Variants in PGCKA1 observed in about 807,000 individuals in gnomAD.
PGCKA1 encodes the protein PDCD10 and GCKIII kinases associated 1.
the PGCKA1 span, among the ~76,000 whole-genome samples, chr4:37,528,544 C>T: frequency 6.6e-6 from 1 of 152,124 alleles, no homozygotes; most frequent in Non-Finnish European, 1.5e-5. Flanking sequence ...AGAAGAGCTT[C>T]AGTTTAAGTC....
the PGCKA1 span, among the ~76,000 whole-genome samples, chr4:37,563,137 T>G: frequency 6.7e-6 from 1 of 149,422 alleles, no homozygotes; most frequent in African/African-American, 2.4e-5. Flanking sequence ...AAAACATTTA[T>G]AAAATAAAAT....
At chr4:37,586,336 G>A in the PGCKA1 span, among the ~76,000 whole-genome samples, 1 of 152,132 alleles carries the variant, frequency 6.6e-6, no homozygotes, top group Non-Finnish European at 1.5e-5. Flanking sequence ...TTAATCCATA[G>A]CCATTAAATC....
chr4:37,531,144 G>A, the PGCKA1 span, among the ~76,000 whole-genome samples: 88 of 152,286 alleles, frequency 5.8e-4, no homozygotes, highest in African/African-American at 2.0e-3. Context: ...TATCTGAGGC[G>A]TTATCCTAGG....
the PGCKA1 span, among the ~76,000 whole-genome samples, chr4:37,457,735 T>C: frequency 4.6e-5 from 7 of 152,210 alleles, no homozygotes; most frequent in Non-Finnish European, 1.0e-4. Context: ...TAGAAATGCA[T>C]AAAAGAAGTC....
At chr4:37,501,132 A>T in the PGCKA1 span, among the ~76,000 whole-genome samples, 6 of 152,116 alleles carry the variant, frequency 3.9e-5, no homozygotes, top group Non-Finnish European at 7.3e-5. Flanking sequence ...TAGTATTCAT[A>T]TGTGAGGATT....
At chr4:37,591,194 G>A in the PGCKA1 span, 16 of 530,342 alleles carry the variant, frequency 3.0e-5, no homozygotes, top group Non-Finnish European at 5.0e-5. Context: ...TTCACTCTGT[G>A]TAGATGAGCT....
the PGCKA1 span, among the ~76,000 whole-genome samples, chr4:37,530,119 A>G: frequency 2.0e-5 from 3 of 152,228 alleles, no homozygotes; most frequent in Non-Finnish European, 4.4e-5. Context: ...TCTGTTACCC[A>G]TGCTAATTAC....
At chr4:37,555,882 A>G in the PGCKA1 span, among the ~76,000 whole-genome samples, 1 of 152,048 alleles carries the variant, frequency 6.6e-6, no homozygotes, top group African/African-American at 2.4e-5. Flanking sequence ...CTCACTCCCT[A>G]GGGTGACTCT....
the PGCKA1 span, among the ~76,000 whole-genome samples, chr4:37,553,954 A>G: frequency 6.6e-6 from 1 of 152,200 alleles, no homozygotes; most frequent in Non-Finnish European, 1.5e-5. Flanking sequence ...AAGTGATCAG[A>G]GCTATCCACC....
chr4:37,527,782 A>G, the PGCKA1 span, among the ~76,000 whole-genome samples: 3 of 151,704 alleles, frequency 2.0e-5, no homozygotes, highest in Non-Finnish European at 4.4e-5. Flanking sequence ...GTGAGCCGAG[A>G]TCGCACCACT....
chr4:37,507,090 G>A, the PGCKA1 span, among the ~76,000 whole-genome samples: 1 of 152,078 alleles, frequency 6.6e-6, no homozygotes, highest in Non-Finnish European at 1.5e-5. Context: ...TCTGCTATGA[G>A]TATAGCTACT....
At chr4:37,518,363 G>C in the PGCKA1 span, among the ~76,000 whole-genome samples, 1 of 152,128 alleles carries the variant, frequency 6.6e-6, no homozygotes, top group Non-Finnish European at 1.5e-5. Flanking sequence ...GTCCATAGTC[G>C]TTGCACTAAT....
the PGCKA1 span, among the ~76,000 whole-genome samples, chr4:37,497,591 T>C: frequency 2.6e-5 from 4 of 152,196 alleles, no homozygotes; most frequent in Non-Finnish European, 4.4e-5. Context: ...AGTAAGGTGG[T>C]ATCGCATTGT....
the PGCKA1 span, chr4:37,590,039 G>A: frequency 7.4e-7 from 1 of 1,343,490 alleles, no homozygotes; most frequent in South Asian, 1.4e-5. Context: ...GTGGTAAAAA[G>A]CATTAATGAT....
At chr4:37,502,687 G>A in the PGCKA1 span, among the ~76,000 whole-genome samples, 6 of 152,286 alleles carry the variant, frequency 3.9e-5, no homozygotes, top group East Asian at 1.9e-4. Flanking sequence ...TTCACGTACC[G>A]ACACAGCAAT....
At chr4:37,590,058 C>A in the PGCKA1 span, 8 of 1,548,994 alleles carry the variant, frequency 5.2e-6, no homozygotes, top group Admixed American at 1.2e-4. Context: ...ATGGAGCAGA[C>A]CTGACTGGTT....
the PGCKA1 span, among the ~76,000 whole-genome samples, chr4:37,530,843 G>A: frequency 6.6e-6 from 1 of 151,974 alleles, no homozygotes; most frequent in Non-Finnish European, 1.5e-5. Flanking sequence ...AGCCGGGTGT[G>A]GTGTGGTGGT....
chr4:37,518,784 A>G, the PGCKA1 span, among the ~76,000 whole-genome samples: 4 of 152,066 alleles, frequency 2.6e-5, no homozygotes, highest in Non-Finnish European at 5.9e-5. Context: ...ATGTGATCCA[A>G]TTTGTCCATT....
At chr4:37,465,208 A>G in the PGCKA1 span, among the ~76,000 whole-genome samples, 2 of 151,832 alleles carry the variant, frequency 1.3e-5, no homozygotes, top group African/African-American at 2.4e-5. Context: ...GCCCATTCCA[A>G]TTAGTGAACC....
Sources: allele counts gnomAD v4.1 joint callset (sites outside exome capture counted in the v4.1 genomes callset), GRCh38; gene constraint gnomAD v4.1.1; transcripts MANE v1.5; gene names NCBI Gene and HGNC (gene_info 2026-07-23, HGNC 2026-07-21).